Variants in FOXP2 observed in about 807,000 individuals in gnomAD.
FOXP2 encodes forkhead box protein P2.
Under a neutral mutation model 115.8 loss-of-function variants are expected in FOXP2, and 12 were observed. The ratio of observed to expected loss-of-function variants is 0.10; its 90% CI spans 0.07 to 0.17. The LOEUF is 0.17. Ranked by LOEUF, FOXP2 falls within the 10% of genes least tolerant of loss-of-function variation. The pLI is 1.00. For synonymous variants in FOXP2, 328 were observed against 297.7 expected (o/e 1.10, Z -1.05); for missense variants, 629 against 843.5 (o/e 0.75, Z 3.15).
intron 2 of FOXP2, among the ~76,000 whole-genome samples, chr7:114,466,545 T>C (rs1001884466): frequency 1.3e-5 from 2 of 152,178 alleles, no homozygotes; most frequent in African/African-American, 2.4e-5. Flanking sequence ...TCTTTTGCAT[T>C]CCCAGCTAAA....
chr7:114,652,130 C>T, intron 8 of FOXP2, 73 bp from the exon 9 acceptor site: 1 of 1,394,136 alleles, frequency 7.2e-7, no homozygotes, highest in Non-Finnish European at 1.0e-6. Context: ...CAGTGTAGTG[C>T]TTTTTAAGTG....
chr7:114,419,624 A>C (rs1025929924), intron 1 of FOXP2, among the ~76,000 whole-genome samples: 15 of 151,828 alleles, frequency 9.9e-5, no homozygotes, highest in Non-Finnish European at 2.2e-4. Context: ...TAATGCCTAA[A>C]ATAAAGTTCA....
chr7:114,567,849 A>G (rs1283520304), intron 3 of FOXP2, among the ~76,000 whole-genome samples: 1 of 152,046 alleles, frequency 6.6e-6, no homozygotes, highest in African/African-American at 2.4e-5. Context: ...AAGCCATGAG[A>G]AGAAACTGGG....
intron 3 of FOXP2, among the ~76,000 whole-genome samples, chr7:114,562,857 T>C (rs1232467523): frequency 6.6e-6 from 1 of 152,144 alleles, no homozygotes; most frequent in Admixed American, 6.6e-5. Flanking sequence ...TTATACCTTG[T>C]TTTCTTTCCT....
chr7:114,663,777 AGTGCATGTGGCT>A (rs1408364698), intron 15 of FOXP2, among the ~76,000 whole-genome samples: 1 of 152,146 alleles, frequency 6.6e-6, no homozygotes, highest in Non-Finnish European at 1.5e-5. Flanking sequence ...AGCTTTTGCA[AGTGCATGTGGCT>A]ATGCATTAAT....
chr7:114,622,485 A>G (rs935960262), intron 3 of FOXP2, among the ~76,000 whole-genome samples: 10 of 152,024 alleles, frequency 6.6e-5, no homozygotes, highest in African/African-American at 2.4e-4. Context: ...CAAGCAGAAA[A>G]CCATGCAGCT....
chr7:114,493,292 C>A (rs1797154815), intron 2 of FOXP2, among the ~76,000 whole-genome samples: 1 of 152,016 alleles, frequency 6.6e-6, no homozygotes, highest in South Asian at 2.1e-4. Context: ...TTATTTTGAG[C>A]CTATGTGTGT....
chr7:114,176,263 CCTTT>C lies in FOXP2; in HGVS notation c.-102+13210_-102+13213del, dbSNP rs377227249. Among the ~76,000 whole-genome samples the C allele has an allele frequency of 7.1e-3, 882 of 123,428 alleles. 16 individuals are homozygous for C. The highest frequency in any genetic ancestry group is 0.044 in the East Asian group (202 of 4,572). The allele number at this position is 123,428 out of a possible 152,430, so 81.0% of individuals were successfully genotyped here. A position where few individuals can be genotyped will look rare whatever the true frequency, so the allele number is the denominator to read the frequency against. ...TTCTTTCTTTCTCTCTCTCTCTTTC[CCTTT>C]CTTTCTTTCTTTCTTTCTTTCTTTC... On this transcript the variant is annotated intron_variant, in intron 1 of 17. Coordinates refer to the FOXP2 transcript ENST00000634411.
chr7:114,234,393 G>T (rs1405732342), intron 1 of FOXP2, among the ~76,000 whole-genome samples: 1 of 152,032 alleles, frequency 6.6e-6, no homozygotes, highest in Admixed American at 6.6e-5. Context: ...GCATTATTGT[G>T]GTATTTTTAA....
Position 114,426,485 on chromosome 7 carries a change from T to A in FOXP2, c.-10-17T>A, listed in dbSNP as rs1793855985. On this transcript the variant is annotated splice_polypyrimidine_tract_variant and intron_variant, in intron 1 of 16. Coordinates refer to ENST00000350908, the MANE Select transcript of FOXP2 (RefSeq NM_014491.4). The stretch of plus-strand genomic sequence containing the variant: ...AGGTGTAACGTGTGTTAATTGATAC[T>A]TCTTAATCACTTTTAGGTATTAAGT... 1 of 1,608,458 alleles carries A rather than the reference T, an allele frequency of 6.2e-7. No individual in the cohort carries two copies. Among genetic ancestry groups the A allele is most frequent in the Non-Finnish European group, 8.5e-7 (1 of 1,175,932 alleles).
Position 114,570,726 on chromosome 7 carries a change from T to TA in FOXP2, c.258+36025dup, listed in dbSNP as rs544241648. 1,491 of 1,065,484 alleles carry TA rather than the reference T, an allele frequency of 1.4e-3. 3 individuals carry two copies. Among genetic ancestry groups the TA allele is most frequent in the Non-Finnish European group, 1.8e-3 (1,204 of 684,196 alleles). 66.0% of individuals were successfully genotyped at this position (1,065,484 alleles called of 1,614,324 possible). ...GATAATAATTCCAAAAAATGATTTTTAAAAATGATAATGTACGTTATTAGC... is the reference window on the plus strand; with the variant it reads ...GATAATAATTCCAAAAAATGATTTTTAAAAAATGATAATGTACGTTATTAGC... On this transcript the variant is annotated intron_variant, in intron 3 of 16. Coordinates refer to ENST00000350908, the MANE Select transcript of FOXP2 (RefSeq NM_014491.4).
At chr7:114,544,999 C>A (rs1328521151) in intron 3 of FOXP2, among the ~76,000 whole-genome samples, 1 of 152,014 alleles carries the variant, frequency 6.6e-6, no homozygotes. Flanking sequence ...TGGGTCTATC[C>A]CAGACTACTG....
At chr7:114,094,157 C>T (rs922903785) in intron 1 of FOXP2, among the ~76,000 whole-genome samples, 1 of 152,084 alleles carries the variant, frequency 6.6e-6, no homozygotes, top group African/African-American at 2.4e-5. Flanking sequence ...ATTCTGTTTT[C>T]TTTCCTTTTT....
At chr7:114,372,720 T>A (rs2129189802) in intron 2 of FOXP2, among the ~76,000 whole-genome samples, 1 of 152,238 alleles carries the variant, frequency 6.6e-6, no homozygotes, top group African/African-American at 2.4e-5. Context: ...GGTTTTTTTT[T>A]GGTTTTTTTG....
At chr7:114,184,262 T>G (rs1329937432) in intron 1 of FOXP2, among the ~76,000 whole-genome samples, 1 of 152,164 alleles carries the variant, frequency 6.6e-6, no homozygotes, top group Non-Finnish European at 1.5e-5. Context: ...TCCTAAGGCA[T>G]TTAACTGATA....
intron 13 of FOXP2, among the ~76,000 whole-genome samples, chr7:114,660,659 C>T (rs1465825514): frequency 6.6e-6 from 1 of 152,024 alleles, no homozygotes; most frequent in East Asian, 1.9e-4. Flanking sequence ...TATTTATGCA[C>T]AGTTACTTGG....
intron 2 of FOXP2, among the ~76,000 whole-genome samples, chr7:114,506,069 A>C (rs990804177): frequency 1.3e-5 from 2 of 151,742 alleles, no homozygotes; most frequent in African/African-American, 4.8e-5. Flanking sequence ...CAGTCAGATC[A>C]GTACCTGCAA....
chr7:114,458,520 G>T (rs1197354385), intron 2 of FOXP2, among the ~76,000 whole-genome samples: 2 of 146,886 alleles, frequency 1.4e-5, no homozygotes, highest in African/African-American at 5.0e-5. Context: ...ATTGTTTACA[G>T]TTGCTTAACT....
At chr7:114,634,001 T>C (rs1805068524) in intron 6 of FOXP2, among the ~76,000 whole-genome samples, 1 of 151,470 alleles carries the variant, frequency 6.6e-6, no homozygotes, top group Non-Finnish European at 1.5e-5. Context: ...AAACTGTATC[T>C]TTTCTTTTTT....
Sources: gnomAD v4.1 joint callset for allele counts (sites outside exome capture counted in the v4.1 genomes callset) on GRCh38, gnomAD v4.1.1 for gene constraint, MANE v1.5 for transcripts, NCBI Gene and HGNC (gene_info 2026-07-23, HGNC 2026-07-21) for gene names.